Variants in VGLL1 observed in about 807,000 individuals in gnomAD.
The protein encoded by VGLL1 is vestigial like family member 1, also known as transcription cofactor vestigial-like protein 1.
VGLL1 carries 4 observed loss-of-function variants against 12.0 expected under a neutral mutation model. The ratio of observed to expected loss-of-function variants is 0.33; its 90% CI spans 0.16 to 0.76. VGLL1 has a LOEUF of 0.76. VGLL1 is among the 30% of genes least tolerant of loss of function. The pLI is 0.60. For missense variants in VGLL1, 204 were observed against 208.7 expected (o/e 0.98, Z 0.14); for synonymous variants, 87 against 81.2 (o/e 1.07, Z -0.39).
rs371510040 is a variant in VGLL1, at chrX:136,548,743, C to G, written c.369C>G (p.Ala123=). The G allele has an allele frequency of 1.2e-5, 14 of 1,210,525 alleles. No homozygotes were observed. Among genetic ancestry groups the G allele is most frequent in the Admixed American group, 2.2e-5 (1 of 45,883 alleles). ...NQFSPSLARR[A]SVRPGELWHF... is the part of the protein sequence containing the mutation. ...TCTCACCGTCCCTGGCTAGGAGGGC[C>G]TCTGTTCGGCCTGGGGAGCTGTGGC... Residue 123 remains alanine, a synonymous_variant, in exon 3 of 5, where the codon GCC becomes GCG. Coordinates refer to ENST00000370634, the MANE Select transcript of VGLL1 (RefSeq NM_016267.4).
At chrX:136,533,403 A>G (rs1253033014) in intron 1 of VGLL1, among the ~76,000 whole-genome samples, 2 of 111,663 alleles carry the variant, frequency 1.8e-5, no homozygotes, top group Non-Finnish European at 3.8e-5. Flanking sequence ...GACTGTAGCC[A>G]GTTGGCCTGG....
In VGLL1 at chrX:136,556,640, C is replaced by A; in HGVS notation, c.*101C>A. The A allele has an allele frequency of 1.3e-6, 1 of 747,669 alleles. No homozygotes were observed. The highest frequency in any genetic ancestry group is 2.0e-6 in the Non-Finnish European group (1 of 499,403). 61.6% of individuals were successfully genotyped at this position (747,669 alleles called of 1,213,427 possible). On this transcript the variant is annotated 3_prime_UTR_variant, in exon 5 of 5. Transcript: ENST00000370634. ...AATGAAAGCTGCTCACACCCACTTG[C>A]CTCCCCAATCTGTTAAACAGCTTCG...
intron 2 of VGLL1, among the ~76,000 whole-genome samples, chrX:136,539,440 A>G (rs1569360533): frequency 1.8e-5 from 2 of 111,426 alleles, no homozygotes; most frequent in Non-Finnish European, 1.9e-5. Context: ...TCCAAATCCA[A>G]TGGTCCCTAT....
At chrX:136,539,572 C>T (rs2148530394) in intron 2 of VGLL1, among the ~76,000 whole-genome samples, 1 of 111,611 alleles carries the variant, frequency 9.0e-6, no homozygotes, top group East Asian at 2.8e-4. Flanking sequence ...TTCCTCCTGC[C>T]TCCCTGGTTA....
chrX:136,532,649 CTTTCTTTCTTTCTT>C (rs2075828154), intron 1 of VGLL1, among the ~76,000 whole-genome samples: 1 of 51,627 alleles, frequency 1.9e-5, no homozygotes, highest in African/African-American at 7.0e-5. Flanking sequence ...TTCTTTCTTT[CTTTCTTTCTTTCTT>C]TTTCTTTCTT....
intron 1 of VGLL1, among the ~76,000 whole-genome samples, 156 bp downstream of exon 1, chrX:136,532,452 A>T (rs2075824986): frequency 9.0e-6 from 1 of 111,366 alleles, no homozygotes; most frequent in South Asian, 3.8e-4. Context: ...AACCCCTCTG[A>T]CTTCCCACCC....
At chrX:136,539,651 G>C (rs2075850341) in intron 2 of VGLL1, among the ~76,000 whole-genome samples, 1 of 111,107 alleles carries the variant, frequency 9.0e-6, no homozygotes, top group African/African-American at 3.3e-5. Flanking sequence ...CAGGGCCCCA[G>C]TACTCAGGTC....
At chrX:136,547,921 C>T (rs902648165) in intron 2 of VGLL1, among the ~76,000 whole-genome samples, 7 of 112,112 alleles carry the variant, frequency 6.2e-5, no homozygotes, top group Non-Finnish European at 1.1e-4. Flanking sequence ...ACTGCCTTAC[C>T]ATGGACTACT....
chrX:136,544,969 G>T (rs768757827), intron 2 of VGLL1, among the ~76,000 whole-genome samples: 7 of 112,197 alleles, frequency 6.2e-5, no homozygotes, highest in Non-Finnish European at 1.3e-4. Context: ...CGTTGATTGT[G>T]CTGAGTGTTG....
At chrX:136,547,194 C>T (rs1182157569) in intron 2 of VGLL1, among the ~76,000 whole-genome samples, 1 of 112,634 alleles carries the variant, frequency 8.9e-6, no homozygotes, top group African/African-American at 3.2e-5. Context: ...CACCCACCCT[C>T]TCTCCATTAT....
At chrX:136,536,761 A>G (rs1569360012) in intron 2 of VGLL1, among the ~76,000 whole-genome samples, 1 of 112,439 alleles carries the variant, frequency 8.9e-6, no homozygotes, top group Non-Finnish European at 1.9e-5. Flanking sequence ...GGCAAGGACC[A>G]TTGCTGATTT....
chrX:136,543,399 G>A (rs1189627000), intron 2 of VGLL1, among the ~76,000 whole-genome samples: 2 of 111,897 alleles, frequency 1.8e-5, no homozygotes, highest in South Asian at 3.7e-4. Context: ...AAGTCAACGC[G>A]TGCAGATCAT....
At chrX:136,539,118 T>C (rs1217656067) in intron 2 of VGLL1, among the ~76,000 whole-genome samples, 1 of 111,902 alleles carries the variant, frequency 8.9e-6, no homozygotes, top group African/African-American at 3.3e-5. Flanking sequence ...TATACTGACT[T>C]CGGCTATTTG....
intron 2 of VGLL1, among the ~76,000 whole-genome samples, chrX:136,546,862 C>T (rs2067588696): frequency 8.9e-6 from 1 of 112,783 alleles, no homozygotes; most frequent in East Asian, 2.8e-4. Flanking sequence ...AAGTAGCATT[C>T]ACCCTCACCA....
chrX:136,552,209 T>C (rs1186895463), intron 4 of VGLL1, among the ~76,000 whole-genome samples: 2 of 112,309 alleles, frequency 1.8e-5, no homozygotes, highest in Admixed American at 1.9e-4. Context: ...ATTATTCCAA[T>C]GTAGTAAAAA....
intron 2 of VGLL1, among the ~76,000 whole-genome samples, chrX:136,547,211 T>A (rs766358815): frequency 4.5e-4 from 51 of 112,425 alleles, no homozygotes; most frequent in Non-Finnish European, 8.5e-4. Flanking sequence ...TTATCTTGGA[T>A]AGATGATAGG....
intron 1 of VGLL1, 88 bp downstream of exon 1, chrX:136,532,384 A>G (rs1204409158): frequency 1.8e-5 from 2 of 111,590 alleles, no homozygotes; most frequent in Non-Finnish European, 3.8e-5. Flanking sequence ...ACTTTGCTCA[A>G]TGAGATACAA....
intron 2 of VGLL1, among the ~76,000 whole-genome samples, chrX:136,542,897 C>G (rs986166901): frequency 9.0e-6 from 1 of 111,695 alleles, no homozygotes; most frequent in Non-Finnish European, 1.9e-5. Flanking sequence ...TGAACACTTT[C>G]TGTGTGCCAG....
At chrX:136,554,387 A>G (rs929513493) in intron 4 of VGLL1, among the ~76,000 whole-genome samples, 2 of 110,605 alleles carry the variant, frequency 1.8e-5, no homozygotes, top group Non-Finnish European at 3.8e-5. Flanking sequence ...GGAAAAAAAA[A>G]AAAGACCAGG....
Sources: gnomAD v4.1 joint callset for allele counts (sites outside exome capture counted in the v4.1 genomes callset) on GRCh38, gnomAD v4.1.1 for gene constraint, MANE v1.5 for transcripts, NCBI Gene and HGNC (gene_info 2026-07-23, HGNC 2026-07-21) for gene names.